TEKT5: variants seen among roughly 807,000 people sequenced by gnomAD.
TEKT5 encodes the protein tektin-5.
Under a neutral mutation model 48.7 loss-of-function variants are expected in TEKT5, and 52 were observed. That is an observed-to-expected ratio of 1.07 (90% CI 0.86 to 1.35). The LOEUF is 1.35. TEKT5 is among the 40% of genes most tolerant of loss of function. The pLI is 0.00. For missense variants in TEKT5, 831 were observed against 641.6 expected, an observed-to-expected ratio of 1.30 and a Z score of -3.19; for synonymous variants, 318 against 267.6, an observed-to-expected ratio of 1.19 and a Z score of -1.84.
intron 6 of TEKT5, among the ~76,000 whole-genome samples, chr16:10,634,098 C>A (rs1897878983): frequency 6.6e-6 from 1 of 152,198 alleles, no homozygotes; most frequent in African/African-American, 2.4e-5. Flanking sequence ...GACCTGTGCT[C>A]CCTGCCCAGT....
intron 5 of TEKT5, among the ~76,000 whole-genome samples, chr16:10,667,543 C>T (rs1433698142): frequency 6.6e-6 from 1 of 152,200 alleles, no homozygotes; most frequent in African/African-American, 2.4e-5. Flanking sequence ...CACGTGGCAG[C>T]TTTGGGGTTG....
chr16:10,645,530 C>G (rs1454583361), intron 5 of TEKT5, among the ~76,000 whole-genome samples: 1 of 152,034 alleles, frequency 6.6e-6, no homozygotes, highest in Non-Finnish European at 1.5e-5. Context: ...TGGCCAGGCA[C>G]AGTGGCTCAC....
chr16:10,681,054 A>C (rs1483475859), intron 4 of TEKT5, among the ~76,000 whole-genome samples: 5 of 150,718 alleles, frequency 3.3e-5, no homozygotes, highest in Non-Finnish European at 5.9e-5. Flanking sequence ...AAAAAAAAAA[A>C]AAAACCTCAC....
chr16:10,664,045 A>T (rs892140742), intron 5 of TEKT5, among the ~76,000 whole-genome samples: 1 of 152,206 alleles, frequency 6.6e-6, no homozygotes, highest in African/African-American at 2.4e-5. Context: ...ATATGCTCTT[A>T]AAAAAATTCA....
intron 5 of TEKT5, among the ~76,000 whole-genome samples, chr16:10,672,127 G>C (rs1898558821): frequency 6.6e-6 from 1 of 152,034 alleles, no homozygotes; most frequent in South Asian, 2.1e-4. Context: ...TAATGCCACA[G>C]AACTGTACAC....
chr16:10,691,840 C>T (rs957384843), intron 1 of TEKT5, among the ~76,000 whole-genome samples: 3 of 149,882 alleles, frequency 2.0e-5, no homozygotes, highest in African/African-American at 7.4e-5. Context: ...CCCAGCTACT[C>T]GGGACGCTGA....
chr16:10,635,773 G>T lies in TEKT5; in HGVS notation c.1232C>A (p.Pro411Gln), dbSNP rs201346320. 1.9e-6 allele frequency: 3 copies of T among 1,611,908 alleles called. No individual in the cohort carries two copies. Among genetic ancestry groups the T allele is most frequent in the Non-Finnish European group, 8.5e-7 (1 of 1,178,528 alleles). ...RPNMELCRDI[P>Q]QLKLVNEVFT... is the part of the protein sequence containing the mutation. Reference sequence around the variant, plus strand: ...GGCCTCCCTCACTTACTTCAACTGCGGGATGTCCCTGCACAGCTCCATGTT... The same window carrying T: ...GGCCTCCCTCACTTACTTCAACTGCTGGATGTCCCTGCACAGCTCCATGTT... The change falls in exon 6 of 7, where the codon CCG (proline) becomes CAG (glutamine). Residue 411 changes from proline (P) to glutamine (Q), a missense_variant. By Grantham distance (76) the Pro-to-Gln change is moderately conservative. Transcript: ENST00000283025.
intron 5 of TEKT5, among the ~76,000 whole-genome samples, chr16:10,664,947 T>C (rs950150660): frequency 2.0e-4 from 30 of 152,148 alleles, no homozygotes; most frequent in African/African-American, 7.2e-4. Flanking sequence ...ATTACTCCCA[T>C]TTGACAGAGG....
At chr16:10,651,196 C>G (rs1239675192) in intron 5 of TEKT5, among the ~76,000 whole-genome samples, 2 of 152,148 alleles carry the variant, frequency 1.3e-5, no homozygotes, top group Non-Finnish European at 2.9e-5. Context: ...TGGGATGCAC[C>G]TCCCCAGGTA....
chr16:10,642,488 C>T lies in TEKT5; in HGVS notation c.1087-6570G>A, dbSNP rs993145328. Reference sequence around the variant, plus strand: ...TCCCATGGAAACCATAACAAAGGCTCCTGCCCACGTTTCTCCCCCTCCCTC... The same window carrying T: ...TCCCATGGAAACCATAACAAAGGCTTCTGCCCACGTTTCTCCCCCTCCCTC... On this transcript the variant is annotated intron_variant, in intron 5 of 6. Coordinates refer to ENST00000283025, the MANE Select transcript of TEKT5 (RefSeq NM_144674.2). 2.0e-5 allele frequency among the ~76,000 whole-genome samples: 3 copies of T among 152,242 alleles called. No homozygotes were observed. In the South Asian group the frequency reaches 6.2e-4, roughly 32 times the overall value.
chr16:10,659,148 T>A (rs770215914), intron 5 of TEKT5, among the ~76,000 whole-genome samples: 1 of 152,032 alleles, frequency 6.6e-6, no homozygotes, highest in African/African-American at 2.4e-5. Context: ...TTGCGAAATA[T>A]CCCCTGAGGG....
chr16:10,659,220 C>T (rs1179969021), intron 5 of TEKT5, among the ~76,000 whole-genome samples: 1 of 152,138 alleles, frequency 6.6e-6, no homozygotes, highest in Admixed American at 6.6e-5. Context: ...TGCGCACACA[C>T]GTAAAAATCA....
intron 4 of TEKT5, among the ~76,000 whole-genome samples, chr16:10,679,437 C>A (rs1240668801): frequency 7.0e-6 from 1 of 142,210 alleles, no homozygotes; most frequent in African/African-American, 2.6e-5. Flanking sequence ...GGCCTGGTGA[C>A]AGAGCGAGAC....
chr16:10,694,867 A>ATGCTGTGGCTTGAC lies in TEKT5; in HGVS notation c.6_7insGTCAAGCCACAGCA (p.Phe3ValfsTer24). 1.3e-6 allele frequency: 2 copies of ATGCTGTGGCTTGAC among 1,545,716 alleles called. No individual in the cohort carries two copies. Among genetic ancestry groups the ATGCTGTGGCTTGAC allele is most frequent in the Non-Finnish European group, 1.7e-6 (2 of 1,149,988 alleles). On this transcript the variant is annotated frameshift_variant, in exon 1 of 7. Coordinates refer to ENST00000283025, the MANE Select transcript of TEKT5 (RefSeq NM_144674.2). LOFTEE classifies it high-confidence loss of function. ...CTGGCGGTCTGAGTAGTCCCAAGAA[A>ATGCTGTGGCTTGAC]CTCCATCCTCCCTCATGAGCCCCAC...
intron 5 of TEKT5, among the ~76,000 whole-genome samples, chr16:10,674,601 G>C (rs1488816516): frequency 9.8e-6 from 1 of 102,374 alleles, no homozygotes; most frequent in East Asian, 3.1e-4. Context: ...CTGGGCAACA[G>C]AGCAAGATCA....
intron 5 of TEKT5, among the ~76,000 whole-genome samples, chr16:10,657,843 G>A (rs543759575): frequency 2.7e-5 from 4 of 149,872 alleles, no homozygotes; most frequent in Non-Finnish European, 4.4e-5. Context: ...CTCGTGATCC[G>A]CCCGGCTCGG....
intron 1 of TEKT5, among the ~76,000 whole-genome samples, chr16:10,690,419 C>T (rs1898948384): frequency 6.6e-6 from 1 of 152,212 alleles, no homozygotes; most frequent in Non-Finnish European, 1.5e-5. Context: ...TCTCTTCTGA[C>T]TTCAATCGGG....
At position 10,664,911 on chromosome 16, in the gene TEKT5, A is replaced by T. The variant is rs1334614867; in HGVS notation, c.1086+11048T>A. Among the ~76,000 whole-genome samples the T allele has an allele frequency of 2.0e-5, 3 of 152,308 alleles. No homozygotes were observed. The South Asian group carries it at 6.2e-4, about 32-fold the overall frequency. ...CTAAGGGATGGGCACAGCTGCTGTT[A>T]TTCTCACAACTGCTTGTCAATCATC... On this transcript the variant is annotated intron_variant, in intron 5 of 6. Coordinates refer to ENST00000283025, the MANE Select transcript of TEKT5 (RefSeq NM_144674.2).
At chr16:10,681,909 C>T (rs1004260637) in intron 4 of TEKT5, 84 bp downstream of exon 4, 4 of 1,532,058 alleles carry the variant, frequency 2.6e-6, no homozygotes, top group Non-Finnish European at 2.7e-6. Flanking sequence ...GTGCACGATG[C>T]CCCTTCGCCA....
Sources: allele counts gnomAD v4.1 joint callset (sites outside exome capture counted in the v4.1 genomes callset), GRCh38; gene constraint gnomAD v4.1.1; transcripts MANE v1.5; gene names NCBI Gene and HGNC (gene_info 2026-07-23, HGNC 2026-07-21).